Variants in RBPJ observed in about 807,000 individuals in gnomAD.
RBPJ encodes recombination signal binding protein for immunoglobulin kappa J region.
In RBPJ, 9 loss-of-function variants were observed where a neutral mutation model predicts 67.8. That is an observed-to-expected ratio of 0.13 (90% CI 0.08 to 0.23). The LOEUF is 0.23. Among genes scored for constraint, RBPJ ranks in the 10% least tolerant of loss-of-function variants. The probability of loss-of-function intolerance (pLI) is 1.00; values close to 1 mark genes in which losing one functional copy is unlikely to be tolerated. For missense variants in RBPJ, 305 were observed against 595.6 expected, an observed-to-expected ratio of 0.51 and a Z score of 5.08; for synonymous variants, 198 against 203.3, an observed-to-expected ratio of 0.97 and a Z score of 0.22.
At position 26,416,787 on chromosome 4, in the gene RBPJ, ACT is replaced by A. The variant is rs768153833; in HGVS notation, c.321+1151_321+1152del. ...GGTGGAGGTGAGCTAGGGGATTTGT[ACT>A]CTCAAATTGAATTTTAGTGATTTTA... On this transcript the variant is annotated intron_variant, in intron 4 of 10. Transcript: ENST00000355476. Among the ~76,000 whole-genome samples, 53 of 152,200 alleles carry A rather than the reference ACT, an allele frequency of 3.5e-4. 1 individual carries two copies. The highest frequency in any genetic ancestry group is 2.9e-3 in the Admixed American group (44 of 15,282).
chr4:26,205,634 C>T (rs1285394679), intron 1 of RBPJ, among the ~76,000 whole-genome samples: 2 of 148,074 alleles, frequency 1.4e-5, no homozygotes, highest in Non-Finnish European at 3.0e-5. Context: ...ACTCTATTGC[C>T]CAGGCTGGAG....
chr4:26,155,434 C>CT, the RBPJ span, among the ~76,000 whole-genome samples: 9,285 of 131,634 alleles, frequency 0.071, 411 homozygotes, highest in Middle Eastern at 0.097. Flanking sequence ...CTCTCTCTCT[C>CT]TTTTTTTTTT....
chr4:26,428,864 T>C lies in RBPJ; in HGVS notation c.888+4T>C, dbSNP rs1431429959. The C allele has an allele frequency of 6.3e-7, 1 of 1,595,030 alleles. No homozygotes were observed. The highest frequency in any genetic ancestry group is 8.6e-7 in the Non-Finnish European group (1 of 1,163,776). On this transcript the variant is annotated splice_donor_region_variant and intron_variant, in intron 8 of 10. Coordinates refer to ENST00000355476, the MANE Select transcript of RBPJ (RefSeq NM_015874.6). ...AGAAAGAATAATTCAATTTCAGGTA[T>C]GTTTTTAAATTACTGGTGAAATCTA...
At chr4:26,349,818 G>A (rs915741232) in intron 1 of RBPJ, among the ~76,000 whole-genome samples, 4 of 152,120 alleles carry the variant, frequency 2.6e-5, no homozygotes, top group Non-Finnish European at 4.4e-5. Flanking sequence ...CTATTACATC[G>A]GCAGTACTTT....
At chr4:26,314,875 G>C (rs755640531), upstream of RBPJ, among the ~76,000 whole-genome samples, 2 of 151,936 alleles carry the variant, frequency 1.3e-5, no homozygotes, top group Non-Finnish European at 2.9e-5. Flanking sequence ...TGCCAGGTGC[G>C]GTGGCTCACG....
chr4:26,252,574 AG>A (rs1720150201), intron 1 of RBPJ, among the ~76,000 whole-genome samples: 1 of 152,198 alleles, frequency 6.6e-6, no homozygotes, highest in Non-Finnish European at 1.5e-5. Context: ...TGACAGAGGG[AG>A]ACCGCTGACT....
At chr4:26,320,424 T>C (rs1219215152), upstream of RBPJ, 1 of 347,584 alleles carries the variant, frequency 2.9e-6, no homozygotes, top group Non-Finnish European at 5.3e-6. Context: ...GTCCCCGACG[T>C]GTCACTTGCC....
intron 1 of RBPJ, among the ~76,000 whole-genome samples, chr4:26,370,509 G>C (rs1454006664): frequency 1.3e-5 from 2 of 152,110 alleles, no homozygotes; most frequent in African/African-American, 2.4e-5. Context: ...ATTAGTTTTA[G>C]ACTCAACAAA....
chr4:26,255,618 C>T (rs377655421), intron 1 of RBPJ, among the ~76,000 whole-genome samples: 79 of 149,056 alleles, frequency 5.3e-4, no homozygotes, highest in African/African-American at 1.3e-3. Flanking sequence ...CTGGCTAACA[C>T]GGTGAAACCC....
chr4:26,272,236 A>G (rs1560238740), intron 1 of RBPJ, among the ~76,000 whole-genome samples: 1 of 152,218 alleles, frequency 6.6e-6, no homozygotes, highest in South Asian at 2.1e-4. Context: ...AGATATTTGC[A>G]AGAAAGAAAA....
the RBPJ span, among the ~76,000 whole-genome samples, chr4:26,109,523 C>CAT: frequency 1.8e-4 from 8 of 44,424 alleles, no homozygotes; most frequent in Non-Finnish European, 3.6e-4. Context: ...TACACACACA[C>CAT]ATATATATAT....
intron 1 of RBPJ, among the ~76,000 whole-genome samples, chr4:26,186,002 C>T (rs1022196880): frequency 1.8e-4 from 28 of 151,890 alleles, no homozygotes; most frequent in African/African-American, 4.1e-4. Context: ...GCTGAGATGG[C>T]GCCATTGCAC....
At chr4:26,198,254 CAAAAAA>C (rs1560207083) in intron 1 of RBPJ, among the ~76,000 whole-genome samples, 4 of 148,968 alleles carry the variant, frequency 2.7e-5, no homozygotes, top group African/African-American at 1.0e-4. Flanking sequence ...AACTCCATCT[CAAAAAA>C]CAAAAAAACA....
At chr4:26,271,859 A>G (rs1720927843) in intron 1 of RBPJ, among the ~76,000 whole-genome samples, 1 of 152,216 alleles carries the variant, frequency 6.6e-6, no homozygotes, top group Admixed American at 6.5e-5. Flanking sequence ...TGCCACACAC[A>G]CACGTGCATG....
At chr4:26,311,402 G>A (rs968467450) in intron 1 of RBPJ, among the ~76,000 whole-genome samples, 1 of 152,086 alleles carries the variant, frequency 6.6e-6, no homozygotes, top group African/African-American at 2.4e-5. Flanking sequence ...AGCCAGGCAT[G>A]GTGGCAGGCA....
intron 1 of RBPJ, among the ~76,000 whole-genome samples, chr4:26,299,964 C>T (rs749917393): frequency 2.0e-5 from 3 of 152,022 alleles, no homozygotes; most frequent in Non-Finnish European, 4.4e-5. Flanking sequence ...GGATTACAGG[C>T]GTGAGCCACC....
At chr4:26,210,732 TTTACTTCTTTCC>T (rs1560212125) in intron 1 of RBPJ, among the ~76,000 whole-genome samples, 36 of 74,846 alleles carry the variant, frequency 4.8e-4, no homozygotes, top group Middle Eastern at 6.0e-3. Flanking sequence ...TCTTTCCTTC[TTTACTTCTTTCC>T]TTCTTTCCTT....
chr4:26,378,642 A>G (rs897365760), intron 1 of RBPJ, among the ~76,000 whole-genome samples: 2 of 152,218 alleles, frequency 1.3e-5, no homozygotes, highest in Non-Finnish European at 2.9e-5. Flanking sequence ...GCTTCTTTAC[A>G]TAAACTGCTG....
chr4:26,310,072 A>G (rs1176628568), intron 1 of RBPJ, among the ~76,000 whole-genome samples: 1 of 152,222 alleles, frequency 6.6e-6, no homozygotes, highest in Non-Finnish European at 1.5e-5. Flanking sequence ...CCAGGCCTGC[A>G]AAAAACTCAA....
Sources: gnomAD v4.1 joint callset for allele counts (sites outside exome capture counted in the v4.1 genomes callset) on GRCh38, gnomAD v4.1.1 for gene constraint, MANE v1.5 for transcripts, NCBI Gene and HGNC (gene_info 2026-07-23, HGNC 2026-07-21) for gene names.